Variants in RIMS3 observed in about 807,000 individuals in gnomAD.
The protein encoded by RIMS3 is regulating synaptic membrane exocytosis 3.
In RIMS3, 15 loss-of-function variants were observed where a neutral mutation model predicts 29.2. The ratio of observed to expected loss-of-function variants is 0.51; its 90% CI spans 0.34 to 0.79. The LOEUF is 0.79. Ranked by LOEUF, RIMS3 falls within the 30% of genes least tolerant of loss-of-function variation. RIMS3 has a pLI of 0.01. For synonymous variants in RIMS3, 161 were observed against 170.1 expected, an observed-to-expected ratio of 0.95 and a Z score of 0.41; for missense variants, 342 against 421.4, an observed-to-expected ratio of 0.81 and a Z score of 1.65.
the RIMS3 span, among the ~76,000 whole-genome samples, chr1:40,679,933 G>C: frequency 6.7e-6 from 1 of 149,296 alleles, no homozygotes; most frequent in African/African-American, 2.5e-5. Flanking sequence ...ACATGCTGTA[G>C]CCACTGCTTA....
intron 5 of RIMS3, 43 bp from the exon 6 acceptor site, chr1:40,629,415 G>T: frequency 6.7e-7 from 1 of 1,501,008 alleles, no homozygotes; most frequent in South Asian, 1.1e-5. Flanking sequence ...GCCAGACCAA[G>T]GGGCAGGCCA....
the RIMS3 span, among the ~76,000 whole-genome samples, chr1:40,680,188 A>G: frequency 6.6e-5 from 10 of 152,178 alleles, no homozygotes; most frequent in East Asian, 1.3e-3. Context: ...AAAAACAAGA[A>G]CAACAACAAG....
Position 40,644,490 on chromosome 1 carries a change from A to G in RIMS3, c.-31-2534T>C, listed in dbSNP as rs990335539. Among the ~76,000 whole-genome samples, 4 of 152,356 alleles carry G rather than the reference A, an allele frequency of 2.6e-5. No individual in the cohort carries two copies. In the East Asian group the frequency reaches 5.8e-4, roughly 22 times the overall value. On this transcript the variant is annotated intron_variant, in intron 2 of 7. Coordinates refer to ENST00000372684, the MANE Select transcript of RIMS3 (RefSeq NM_014747.3). ...TTGGTCCTGCCCTCCCAAAGCCTCC[A>G]GTCCAAGACGGAGACAGACAGTAAG... is the stretch of plus-strand genomic sequence containing the variant.
chr1:40,621,554 G>A lies in RIMS3; in HGVS notation c.*4963C>T, dbSNP rs1022070597. On this transcript the variant is annotated 3_prime_UTR_variant, in exon 8 of 8. Transcript: ENST00000372684. ...TGCACCAGGCTCGCAACCCTCATGT[G>A]CTCCAGATCAGAGACTTTTAATTAA... 2 of 152,178 alleles carry A rather than the reference G, an allele frequency of 1.3e-5. No homozygotes were observed. Among genetic ancestry groups the A allele is most frequent in the Non-Finnish European group, 1.5e-5 (1 of 68,036 alleles). The allele number at this position is 152,178 out of a possible 1,614,324, so 9.4% of individuals were successfully genotyped here.
chr1:40,674,041 C>G, the RIMS3 span, among the ~76,000 whole-genome samples: 4 of 152,142 alleles, frequency 2.6e-5, no homozygotes, highest in Non-Finnish European at 5.9e-5. Flanking sequence ...GATGCATAAA[C>G]AATAACAGTA....
intron 6 of RIMS3, 59 bp downstream of exon 6, chr1:40,629,212 G>T: frequency 7.0e-7 from 1 of 1,432,132 alleles, no homozygotes; most frequent in Non-Finnish European, 9.8e-7. Flanking sequence ...GGACCTGCTA[G>T]ACCCAGAGCT....
At chr1:40,676,363 A>G in the RIMS3 span, among the ~76,000 whole-genome samples, 3 of 152,164 alleles carry the variant, frequency 2.0e-5, no homozygotes, top group Non-Finnish European at 4.4e-5. Flanking sequence ...TTAGTTACAG[A>G]GTGCCCCTGA....
At chr1:40,684,601 GGAAAACATGA>G in the RIMS3 span, among the ~76,000 whole-genome samples, 7,909 of 152,178 alleles carry the variant, frequency 0.052, 343 homozygotes, top group African/African-American at 0.11. Flanking sequence ...AGAGAAAGTG[GGAAAACATGA>G]GAAGCAAGGG....
intron 2 of RIMS3, among the ~76,000 whole-genome samples, chr1:40,647,106 CCT>C (rs986025471): frequency 6.6e-6 from 1 of 152,092 alleles, no homozygotes; most frequent in African/African-American, 2.4e-5. Context: ...GTCTCGAACT[CCT>C]GACCTCGTGA....
At chr1:40,665,192 CACCCCACG>C (rs1642406218) in intron 1 of RIMS3, among the ~76,000 whole-genome samples, 194 bp downstream of exon 1, 1 of 152,066 alleles carries the variant, frequency 6.6e-6, no homozygotes, top group Non-Finnish European at 1.5e-5. Context: ...CTTCCCCAAA[CACCCCACG>C]TCCCTCTCTC....
At position 40,654,494 on chromosome 1, in the gene RIMS3, A is replaced by G. The variant is rs1322729708; in HGVS notation, c.-206-6652T>C. 6.6e-6 allele frequency among the ~76,000 whole-genome samples: 1 copy of G among 152,144 alleles called. No homozygotes were observed. Among genetic ancestry groups the G allele is most frequent in the Non-Finnish European group, 1.5e-5 (1 of 68,028 alleles). ...ACAAAGAAGATGACGTACACAAAAC[A>G]ACAGGCACACACCACACCCAGCAGG... On this transcript the variant is annotated intron_variant, in intron 1 of 7. Transcript: ENST00000372684. The surrounding 1 kb of genome is among the most constrained non-coding windows in gnomAD (Gnocchi z 5.3).
At chr1:40,691,625 A>C in the RIMS3 span, 22 of 404,756 alleles carry the variant, frequency 5.4e-5, no homozygotes, top group Admixed American at 5.2e-4. Flanking sequence ...GCGAGACCTC[A>C]AGGAGCACAG....
At position 40,623,318 on chromosome 1, in the gene RIMS3, A is replaced by G; in HGVS notation, c.*3199T>C. ...CCTTGTCAAACCAAGACTTGGCTCCATTTACTGGAGCCTTTTTCATACCAA... is the reference window on the plus strand; with the variant it reads ...CCTTGTCAAACCAAGACTTGGCTCCGTTTACTGGAGCCTTTTTCATACCAA... On this transcript the variant is annotated 3_prime_UTR_variant, in exon 8 of 8. Transcript: ENST00000372684. 1 of 398,342 alleles carries G rather than the reference A, an allele frequency of 2.5e-6. No homozygotes were observed. Among genetic ancestry groups the G allele is most frequent in the Non-Finnish European group, 4.4e-6 (1 of 225,980 alleles). The allele number at this position is 398,342 out of a possible 1,614,324, so 24.7% of individuals were successfully genotyped here. A position where few individuals can be genotyped will look rare whatever the true frequency, so the allele number is the denominator to read the frequency against.
At chr1:40,643,453 A>C (rs1249849390) in intron 2 of RIMS3, among the ~76,000 whole-genome samples, 4 of 149,812 alleles carry the variant, frequency 2.7e-5, no homozygotes, top group African/African-American at 9.8e-5. Context: ...CTTTTAAATA[A>C]GCATGGCAAT....
In RIMS3 at chr1:40,654,640, C is replaced by A. The variant is rs1309891401; in HGVS notation, c.-206-6798G>T. On this transcript the variant is annotated intron_variant, in intron 1 of 7. Transcript: ENST00000372684. This position sits in a 1 kb window ranked among gnomAD's most constrained non-coding sequence, Gnocchi z 5.3. Reference sequence around the variant, plus strand: ...ACAGACTCACACACATCACACAGACCCACAACACACCCTGCCACACACACA... The same window carrying A: ...ACAGACTCACACACATCACACAGACACACAACACACCCTGCCACACACACA... 6.6e-6 allele frequency among the ~76,000 whole-genome samples: 1 copy of A among 151,882 alleles called. No individual in the cohort carries two copies. The highest frequency in any genetic ancestry group is 2.4e-5 in the African/African-American group (1 of 41,312).
At chr1:40,656,689 A>G (rs996403183) in intron 1 of RIMS3, among the ~76,000 whole-genome samples, 2 of 150,582 alleles carry the variant, frequency 1.3e-5, no homozygotes, top group Non-Finnish European at 3.0e-5. Flanking sequence ...AAGCTGTGGC[A>G]GGAGAATCTC....
chr1:40,678,420 A>C, the RIMS3 span, among the ~76,000 whole-genome samples: 4 of 152,196 alleles, frequency 2.6e-5, no homozygotes, highest in Non-Finnish European at 5.9e-5. Context: ...ACAAACAAAC[A>C]AAAAAAGGAA....
At chr1:40,631,552 G>A (rs191579591) in intron 5 of RIMS3, among the ~76,000 whole-genome samples, 29 of 152,160 alleles carry the variant, frequency 1.9e-4, no homozygotes, top group East Asian at 1.7e-3. Flanking sequence ...GGCGGTGTGC[G>A]CCTGTAGTCC....
chr1:40,638,044 C>T (rs755526195), intron 3 of RIMS3, among the ~76,000 whole-genome samples: 1 of 152,114 alleles, frequency 6.6e-6, no homozygotes, highest in Non-Finnish European at 1.5e-5. Flanking sequence ...GCAAATTTGC[C>T]TTTTTGATAA....
Sources: allele counts gnomAD v4.1 joint callset (sites outside exome capture counted in the v4.1 genomes callset), GRCh38; gene constraint gnomAD v4.1.1; non-coding constraint Gnocchi (gnomAD v3.1); transcripts MANE v1.5; gene names NCBI Gene and HGNC (gene_info 2026-07-23, HGNC 2026-07-21).